Variants in TAPT1 observed in about 807,000 individuals in gnomAD.
TAPT1 encodes transmembrane anterior posterior transformation 1, also known as transmembrane anterior posterior transformation protein 1 homolog.
TAPT1 carries 28 observed loss-of-function variants against 65.6 expected under a neutral mutation model. The observed-to-expected ratio is 0.43, with a 90% CI of 0.32 to 0.59. TAPT1 has a LOEUF of 0.59. Among genes scored for constraint, TAPT1 ranks in the 20% least tolerant of loss-of-function variants. TAPT1 has a pLI of 0.09. For missense variants in TAPT1, 563 were observed against 679.9 expected, an observed-to-expected ratio of 0.83 and a Z score of 1.91; for synonymous variants, 278 against 245.2, an observed-to-expected ratio of 1.13 and a Z score of -1.25.
chr4:16,169,209 A>C (rs1296469636), intron 12 of TAPT1, among the ~76,000 whole-genome samples: 4 of 152,188 alleles, frequency 2.6e-5, no homozygotes, highest in Admixed American at 1.3e-4. Context: ...GCGACATGGG[A>C]GGCTGGGGCA....
intron 1 of TAPT1, among the ~76,000 whole-genome samples, chr4:16,223,572 C>G (rs1264403586): frequency 6.6e-6 from 1 of 152,156 alleles, no homozygotes; most frequent in Non-Finnish European, 1.5e-5. Context: ...TGTAAGTACT[C>G]GCATCTGAGA....
intron 1 of TAPT1, among the ~76,000 whole-genome samples, chr4:16,223,329 A>G (rs1403837020): frequency 6.6e-6 from 1 of 152,242 alleles, no homozygotes; most frequent in Non-Finnish European, 1.5e-5. Context: ...GCACAAAAAC[A>G]TAACATTGAT....
intron 13 of TAPT1, among the ~76,000 whole-genome samples, chr4:16,165,367 G>A (rs915924214): frequency 3.3e-5 from 5 of 151,834 alleles, no homozygotes; most frequent in African/African-American, 7.3e-5. Flanking sequence ...TCAGGAGATC[G>A]AGACCATCCT....
At chr4:16,172,902 G>A (rs1748097994) in intron 11 of TAPT1, among the ~76,000 whole-genome samples, 1 of 151,716 alleles carries the variant, frequency 6.6e-6, no homozygotes, top group East Asian at 1.9e-4. Context: ...TCGGCTTACT[G>A]CAACCTTCCC....
At chr4:16,226,851 C>G (rs1365346232), upstream of TAPT1, 1 of 195,472 alleles carries the variant, frequency 5.1e-6, no homozygotes, top group Non-Finnish European at 1.0e-5. Flanking sequence ...GCGGGTCGGC[C>G]GTGGAGCCCC....
At chr4:16,198,834 T>C (rs1282293703) in intron 3 of TAPT1, among the ~76,000 whole-genome samples, 1 of 152,236 alleles carries the variant, frequency 6.6e-6, no homozygotes. Context: ...TATTCCAAAA[T>C]ATTTGAAAGG....
chr4:16,217,039 C>T (rs574584006), intron 1 of TAPT1, among the ~76,000 whole-genome samples: 3 of 152,288 alleles, frequency 2.0e-5, no homozygotes, highest in East Asian at 3.9e-4. Context: ...CTCCCAAACA[C>T]GTCAATGGGT....
chr4:16,214,253 A>G (rs1009913775), intron 1 of TAPT1, among the ~76,000 whole-genome samples: 3 of 152,184 alleles, frequency 2.0e-5, no homozygotes, highest in Admixed American at 1.3e-4. Context: ...TATAAAATAG[A>G]GCAATATATA....
chr4:16,226,117 T>C (rs922533333), intron 1 of TAPT1, 142 bp downstream of exon 1: 3 of 963,158 alleles, frequency 3.1e-6, no homozygotes, highest in Admixed American at 5.6e-5. Context: ...CCTCGGCGGC[T>C]CCGCGCGCCC....
At position 16,161,043 on chromosome 4, in the gene TAPT1, T is replaced by C. The variant is rs146114531; in HGVS notation, c.*2265A>G. The C allele has an allele frequency of 1.3e-5, 2 of 152,782 alleles. No individual in the cohort carries two copies. The highest frequency in any genetic ancestry group is 2.9e-5 in the Non-Finnish European group (2 of 68,038). 9.5% of individuals were successfully genotyped at this position (152,782 alleles called of 1,614,324 possible). On this transcript the variant is annotated 3_prime_UTR_variant, in exon 14 of 14. Coordinates refer to ENST00000405303, the MANE Select transcript of TAPT1 (RefSeq NM_153365.3). ...ACTCCCAGATGTGAAAAATATTTTGTGTGACATTCAAAACACTTGTAAAAT... is the reference window on the plus strand; with the variant it reads ...ACTCCCAGATGTGAAAAATATTTTGCGTGACATTCAAAACACTTGTAAAAT...
At chr4:16,172,846 T>C (rs948138296) in intron 11 of TAPT1, among the ~76,000 whole-genome samples, 7 of 151,920 alleles carry the variant, frequency 4.6e-5, no homozygotes, top group African/African-American at 1.7e-4. Flanking sequence ...TTTTTTGAGA[T>C]GGAGTGTTGC....
rs5856341 is a variant in TAPT1, at chr4:16,166,991, C to CTT, written c.1314-200_1314-199dup. ...AAAAACTTCGGAATTCCTTAGTTCTCTTTTTTTTTTTTTTTTTTTTTGAGA... is the reference window on the plus strand; with the variant it reads ...AAAAACTTCGGAATTCCTTAGTTCTCTTTTTTTTTTTTTTTTTTTTTTTGAGA... On this transcript the variant is annotated intron_variant, in intron 12 of 13. Coordinates refer to ENST00000405303, the MANE Select transcript of TAPT1 (RefSeq NM_153365.3). The CTT allele has an allele frequency of 0.14, 22,652 of 159,090 alleles. 2,911 individuals carry two copies. The highest frequency in any genetic ancestry group is 0.36 in the African/African-American group (9,246 of 25,692). 9.9% of individuals were successfully genotyped at this position (159,090 alleles called of 1,614,324 possible).
rs751757066 is a variant in TAPT1 at position 16,170,725 on chromosome 4, A to G, written c.1241T>C (p.Ile414Thr). Reference protein sequence around the residue: ...FIPLPLAVLLIRVVTSSIKVQ... With the variant: ...FIPLPLAVLLTRVVTSSIKVQ... ...TTTAATTGAGCTTGTTACAACTCTG[A>G]TGAGCTAGCCAGAAACAAACCAAAA... is the stretch of plus-strand genomic sequence containing the variant. The change falls in exon 12 of 14, where the codon ATC becomes ACC. Residue 414 changes from isoleucine (I) to threonine (T), a missense_variant. Physicochemically the swap from Ile to Thr is moderately conservative, Grantham distance 89. Transcript: ENST00000405303. 1 of 1,613,392 alleles carries G rather than the reference A, an allele frequency of 6.2e-7. No individual in the cohort carries two copies. Among genetic ancestry groups the G allele is most frequent in the Non-Finnish European group, 8.5e-7 (1 of 1,179,422 alleles).
At chr4:16,214,343 T>A (rs1290097304) in intron 1 of TAPT1, 1 of 152,466 alleles carries the variant, frequency 6.6e-6, no homozygotes, top group Non-Finnish European at 1.5e-5. Flanking sequence ...TGGATACTGG[T>A]GCCCCAGCTC....
intron 8 of TAPT1, among the ~76,000 whole-genome samples, chr4:16,178,422 A>G (rs912274230): frequency 6.6e-6 from 1 of 152,246 alleles, no homozygotes; most frequent in African/African-American, 2.4e-5. Context: ...AAATGCCTAT[A>G]ACATATATAA....
chr4:16,188,748 G>A (rs1292669408), intron 4 of TAPT1, among the ~76,000 whole-genome samples: 4 of 151,988 alleles, frequency 2.6e-5, no homozygotes, highest in East Asian at 1.9e-4. Context: ...GTGAAACGCC[G>A]TCTCTACTAA....
intron 3 of TAPT1, among the ~76,000 whole-genome samples, chr4:16,193,683 C>T (rs1749520934): frequency 6.6e-6 from 1 of 152,176 alleles, no homozygotes; most frequent in African/African-American, 2.4e-5. Flanking sequence ...ACGTTTTGAA[C>T]ACTTGTGAGC....
intron 1 of TAPT1, among the ~76,000 whole-genome samples, chr4:16,216,361 C>T (rs993337529): frequency 7.2e-5 from 11 of 152,158 alleles, no homozygotes; most frequent in African/African-American, 2.2e-4. Flanking sequence ...TTCCCTATAC[C>T]TACTCTGTTT....
upstream of TAPT1, chr4:16,227,315 G>C (rs548911730): frequency 6.6e-6 from 3 of 456,178 alleles, no homozygotes; most frequent in South Asian, 4.6e-5. Context: ...TTACTTTGTC[G>C]CTTTACTTGG....
Sources: gnomAD v4.1 joint callset for allele counts (sites outside exome capture counted in the v4.1 genomes callset) on GRCh38, gnomAD v4.1.1 for gene constraint, MANE v1.5 for transcripts, NCBI Gene and HGNC (gene_info 2026-07-23, HGNC 2026-07-21) for gene names.